Variants in KCNIP1 observed in about 807,000 individuals in gnomAD.
KCNIP1 encodes the protein potassium voltage-gated channel interacting protein 1, also known as A-type potassium channel modulatory protein KCNIP1.
KCNIP1 carries 18 observed loss-of-function variants against 33.0 expected under a neutral mutation model. The ratio of observed to expected loss-of-function variants is 0.55; its 90% CI spans 0.38 to 0.81. The LOEUF is 0.81. Among genes scored for constraint, KCNIP1 ranks in the 30% least tolerant of loss-of-function variants. KCNIP1 has a pLI of 0.00. For synonymous variants in KCNIP1, 93 were observed against 98.3 expected (o/e 0.95, Z 0.32); for missense variants, 238 against 271.6 (o/e 0.88, Z 0.87).
At chr5:170,447,534 G>C (rs1209633208) in intron 1 of KCNIP1, among the ~76,000 whole-genome samples, 1 of 152,078 alleles carries the variant, frequency 6.6e-6, no homozygotes, top group Non-Finnish European at 1.5e-5. Context: ...TTGTGAAGGG[G>C]GTGGCACAAG....
At chr5:170,429,493 G>T (rs747628894) in intron 1 of KCNIP1, among the ~76,000 whole-genome samples, 4 of 152,060 alleles carry the variant, frequency 2.6e-5, no homozygotes, top group Non-Finnish European at 4.4e-5. Context: ...ATTTATGGGG[G>T]ACATCTGCAG....
At chr5:170,426,247 T>TCACACACACACACA (rs143211356) in intron 1 of KCNIP1, among the ~76,000 whole-genome samples, 5,592 of 149,178 alleles carry the variant, frequency 0.037, 118 homozygotes, top group Middle Eastern at 0.049. Flanking sequence ...TCAAAAGGAA[T>TCACACACACACACA]CACACACACA....
chr5:170,675,482 A>G (rs917265829), intron 1 of KCNIP1, among the ~76,000 whole-genome samples: 1 of 151,992 alleles, frequency 6.6e-6, no homozygotes, highest in Non-Finnish European at 1.5e-5. Flanking sequence ...TTAGCCGGGC[A>G]TGGTGGCACG....
intron 1 of KCNIP1, among the ~76,000 whole-genome samples, chr5:170,397,578 T>A (rs1459580229): frequency 2.0e-5 from 3 of 152,212 alleles, no homozygotes; most frequent in Non-Finnish European, 4.4e-5. Context: ...TCAAATTTTA[T>A]GTGGCTAATT....
intron 1 of KCNIP1, among the ~76,000 whole-genome samples, chr5:170,520,924 G>A (rs1217648231): frequency 2.0e-5 from 3 of 152,202 alleles, no homozygotes; most frequent in Admixed American, 2.0e-4. Flanking sequence ...TACTCTCTAT[G>A]AGCCTCAGAT....
intron 1 of KCNIP1, among the ~76,000 whole-genome samples, chr5:170,547,947 G>A (rs544413858): frequency 2.0e-5 from 3 of 152,188 alleles, no homozygotes; most frequent in South Asian, 2.1e-4. Context: ...AAATCTCCAC[G>A]CTGTCTTCCA....
chr5:170,712,379 A>T (rs1206117420), intron 1 of KCNIP1, among the ~76,000 whole-genome samples: 2 of 152,232 alleles, frequency 1.3e-5, no homozygotes, highest in African/African-American at 4.8e-5. Flanking sequence ...TACCTAGTAG[A>T]TACTTCATTG....
chr5:170,488,205 A>G (rs1234938715), intron 1 of KCNIP1, among the ~76,000 whole-genome samples: 5 of 152,128 alleles, frequency 3.3e-5, no homozygotes, highest in African/African-American at 7.2e-5. Flanking sequence ...CACTTACCCC[A>G]TATTTTTACC....
rs558483239 is a variant in KCNIP1 at position 170,423,620 on chromosome 5, C to A, written c.88+69656C>A. On this transcript the variant is annotated intron_variant, in intron 1 of 7. Coordinates refer to the KCNIP1 transcript ENST00000377360. ...AAGAGCAAAGATTAAAAGCCAGCCT[C>A]GAGGATCCCCAGCTTGGCTACCTGC... Among the ~76,000 whole-genome samples the A allele has an allele frequency of 5.9e-5, 9 of 152,300 alleles. No individual in the cohort carries two copies. In the South Asian group the frequency reaches 1.9e-3, roughly 32 times the overall value.
At chr5:170,604,660 T>C (rs1227538446) in intron 1 of KCNIP1, among the ~76,000 whole-genome samples, 1 of 151,594 alleles carries the variant, frequency 6.6e-6, no homozygotes, top group African/African-American at 2.4e-5. Context: ...TCCTGGTATG[T>C]AGTGGAAGCT....
intron 1 of KCNIP1, among the ~76,000 whole-genome samples, chr5:170,505,463 A>C (rs527964581): frequency 7.9e-5 from 12 of 152,308 alleles, no homozygotes; most frequent in African/African-American, 2.9e-4. Flanking sequence ...GGAAACGGGA[A>C]ATGATGGGTT....
intron 1 of KCNIP1, among the ~76,000 whole-genome samples, chr5:170,581,859 CTGGTGTGGACCT>C (rs774859782): frequency 2.7e-4 from 41 of 152,224 alleles, no homozygotes; most frequent in Non-Finnish European, 4.4e-4. Flanking sequence ...GTGTCTGCAT[CTGGTGTGGACCT>C]CAGGCTGCTT....
intron 1 of KCNIP1, among the ~76,000 whole-genome samples, chr5:170,453,838 G>C (rs1000020909): frequency 6.6e-6 from 1 of 152,130 alleles, no homozygotes; most frequent in Non-Finnish European, 1.5e-5. Flanking sequence ...CACCCAGCAA[G>C]AAACAGACGT....
At chr5:170,521,703 T>C (rs1163158969) in intron 1 of KCNIP1, among the ~76,000 whole-genome samples, 1 of 152,236 alleles carries the variant, frequency 6.6e-6, no homozygotes, top group Non-Finnish European at 1.5e-5. Flanking sequence ...ATTTGAAGTC[T>C]TTCCAAAGAT....
chr5:170,458,510 C>T (rs1210345145), intron 1 of KCNIP1, among the ~76,000 whole-genome samples: 1 of 152,196 alleles, frequency 6.6e-6, no homozygotes, highest in Non-Finnish European at 1.5e-5. Context: ...TCAGCCAAAA[C>T]CCTACAAGCT....
rs138915918 is a variant in KCNIP1, at chr5:170,614,035, C to A, written c.62-104723C>A. 2.6e-3 allele frequency among the ~76,000 whole-genome samples: 390 copies of A among 152,290 alleles called. 1 individual carries two copies. The highest frequency in any genetic ancestry group is 9.1e-3 in the African/African-American group (379 of 41,554). ...AAGTGTTCAATTCCTGCATAGCCAC[C>A]AACAAGTCCCTGGAAACACAATTGT... is the stretch of plus-strand genomic sequence containing the variant. On this transcript the variant is annotated intron_variant, in intron 1 of 7. Coordinates refer to ENST00000328939, the MANE Select transcript of KCNIP1 (RefSeq NM_014592.4).
chr5:170,563,417 A>G (rs1325853507), intron 1 of KCNIP1, among the ~76,000 whole-genome samples: 1 of 152,126 alleles, frequency 6.6e-6, no homozygotes, highest in Non-Finnish European at 1.5e-5. Context: ...TCACCTGCTC[A>G]CACACAGGGC....
chr5:170,592,635 A>G (rs1438372989), intron 1 of KCNIP1, among the ~76,000 whole-genome samples: 2 of 152,230 alleles, frequency 1.3e-5, no homozygotes, highest in African/African-American at 4.8e-5. Context: ...ATGGATCAGA[A>G]TCTCTTACAT....
intron 1 of KCNIP1, among the ~76,000 whole-genome samples, chr5:170,367,354 A>AAAGC (rs1763694946): frequency 2.7e-5 from 1 of 37,166 alleles, no homozygotes; most frequent in African/African-American, 1.2e-4. Flanking sequence ...AAAGAAAAAG[A>AAAGC]AAGAAAGAAA....
Sources: allele counts gnomAD v4.1 joint callset (sites outside exome capture counted in the v4.1 genomes callset), GRCh38; gene constraint gnomAD v4.1.1; transcripts MANE v1.5; gene names NCBI Gene and HGNC (gene_info 2026-07-23, HGNC 2026-07-21).